The following GRM8 variants were observed in gnomAD, a reference collection of about 807,000 sequenced individuals.
GRM8 encodes glutamate metabotropic receptor 8, also known as metabotropic glutamate receptor 8.
GRM8 carries 47 observed loss-of-function variants against 87.2 expected under a neutral mutation model. That is an observed-to-expected ratio of 0.54 (90% confidence interval 0.43 to 0.69). The LOEUF is 0.69. GRM8 is among the 30% of genes least tolerant of loss of function. GRM8 has a pLI of 0.00. For synonymous variants in GRM8, 396 were observed against 404.5 expected, an observed-to-expected ratio of 0.98 and a Z score of 0.25; for missense variants, 1,019 against 1,139.2, an observed-to-expected ratio of 0.89 and a Z score of 1.52.
At chr7:126,725,111 A>T (rs1812815220) in intron 7 of GRM8, among the ~76,000 whole-genome samples, 2 of 152,226 alleles carry the variant, frequency 1.3e-5, no homozygotes, top group Non-Finnish European at 2.9e-5. Flanking sequence ...ATCAGCAGAC[A>T]GGTAGATTGT....
chr7:126,640,917 C>T (rs936497322), intron 7 of GRM8, among the ~76,000 whole-genome samples: 3 of 151,758 alleles, frequency 2.0e-5, no homozygotes, highest in Non-Finnish European at 2.9e-5. Context: ...ACATACTGCT[C>T]GGTAATATGT....
chr7:126,598,209 C>A lies in GRM8; in HGVS notation c.1494+11153G>T, dbSNP rs544003283. Among the ~76,000 whole-genome samples the A allele has an allele frequency of 4.4e-5, 4 of 90,766 alleles. No homozygotes were observed. In the East Asian group the frequency reaches 1.6e-3, roughly 37 times the overall value. The allele number at this position is 90,766 out of a possible 152,430, so 59.5% of individuals were successfully genotyped here. On this transcript the variant is annotated intron_variant, in intron 8 of 10. Coordinates refer to ENST00000339582, the MANE Select transcript of GRM8 (RefSeq NM_000845.3). ...TATTATTTAAATAACTAATTAAATT[C>A]TTGTGGTTTTTTCCTATTTTTTTTA...
chr7:126,668,980 T>C (rs986891142), intron 7 of GRM8, among the ~76,000 whole-genome samples: 1 of 152,200 alleles, frequency 6.6e-6, no homozygotes, highest in Non-Finnish European at 1.5e-5. Context: ...TGGAATACTA[T>C]GCAGCCATAA....
chr7:126,861,988 TG>T (rs1441769084), intron 6 of GRM8, among the ~76,000 whole-genome samples: 1 of 151,884 alleles, frequency 6.6e-6, no homozygotes, highest in African/African-American at 2.4e-5. Context: ...GTTTGGGTTT[TG>T]TTTGTTTGTT....
At chr7:127,099,069 G>C (rs890058765) in intron 3 of GRM8, among the ~76,000 whole-genome samples, 3 of 152,078 alleles carry the variant, frequency 2.0e-5, no homozygotes, top group African/African-American at 7.2e-5. Flanking sequence ...AATAATGTAA[G>C]ACAAAGAAGG....
intron 9 of GRM8, among the ~76,000 whole-genome samples, chr7:126,473,462 C>G (rs146161369): frequency 2.9e-3 from 434 of 152,244 alleles, no homozygotes; most frequent in Non-Finnish European, 5.3e-3. Context: ...GTGTATTTAC[C>G]CAATGCCGGT....
At chr7:126,536,760 AATTACT>A (rs1398700018) in intron 8 of GRM8, among the ~76,000 whole-genome samples, 2 of 152,144 alleles carry the variant, frequency 1.3e-5, no homozygotes, top group Non-Finnish European at 2.9e-5. Context: ...TTTAAAAGCT[AATTACT>A]ATAGAAACAA....
rs34256368 is a variant in GRM8, at chr7:127,158,804, C to CA, written c.511-52093dup. 5.7e-3 allele frequency among the ~76,000 whole-genome samples: 820 copies of CA among 144,282 alleles called. 13 individuals carry two copies. Among genetic ancestry groups the CA allele is most frequent in the African/African-American group, 0.016 (640 of 39,098 alleles). 94.7% of individuals were successfully genotyped at this position (144,282 alleles called of 152,430 possible). On this transcript the variant is annotated intron_variant, in intron 2 of 10. Coordinates refer to ENST00000339582, the MANE Select transcript of GRM8 (RefSeq NM_000845.3). The stretch of plus-strand genomic sequence containing the variant: ...ATTCAGACCATCACACCATCTATAC[C>CA]AAAAAAAAAAAAGGCTGAATATGCT...
chr7:126,793,231 TTAAG>T (rs1409277614), intron 6 of GRM8, among the ~76,000 whole-genome samples: 6 of 152,200 alleles, frequency 3.9e-5, no homozygotes, highest in Admixed American at 1.3e-4. Flanking sequence ...TTTAAAAAAA[TTAAG>T]TAATCATTGC....
chr7:127,036,008 T>C (rs1222078800), intron 3 of GRM8, among the ~76,000 whole-genome samples: 1 of 152,208 alleles, frequency 6.6e-6, no homozygotes, highest in African/African-American at 2.4e-5. Context: ...GCTTGCTCTA[T>C]ATTTATCAGT....
chr7:126,795,215 G>A (rs1354940454), intron 6 of GRM8, among the ~76,000 whole-genome samples: 1 of 151,950 alleles, frequency 6.6e-6, no homozygotes, highest in Admixed American at 6.6e-5. Context: ...ACTAAACCTA[G>A]GCTCTAAAGA....
chr7:127,113,441 G>A (rs1413873703), intron 2 of GRM8, among the ~76,000 whole-genome samples: 4 of 152,000 alleles, frequency 2.6e-5, no homozygotes, highest in African/African-American at 4.8e-5. Flanking sequence ...CCTGAATCAC[G>A]TATATTTTCA....
At chr7:126,862,974 C>G (rs1798264434) in intron 6 of GRM8, among the ~76,000 whole-genome samples, 1 of 152,160 alleles carries the variant, frequency 6.6e-6, no homozygotes, top group Non-Finnish European at 1.5e-5. Flanking sequence ...TGTGCTTCTT[C>G]TTGTATGCTT....
chr7:127,055,518 G>A (rs1819892790), intron 3 of GRM8, among the ~76,000 whole-genome samples: 1 of 152,040 alleles, frequency 6.6e-6, no homozygotes, highest in East Asian at 1.9e-4. Flanking sequence ...TGAATTTTGA[G>A]GTCTCTTGCA....
Position 126,685,992 on chromosome 7 carries a change from CCCAGACTCAG to C in GRM8, c.1358-76504_1358-76495del, listed in dbSNP as rs1439327331. ...CTCCCCTCTGAGGCCCATAAAAACC[CCCAGACTCAG>C]CCAGACTCAAGCAGAGGACAGACAG... is the stretch of plus-strand genomic sequence containing the variant. On this transcript the variant is annotated intron_variant, in intron 7 of 10. Coordinates refer to ENST00000339582, the MANE Select transcript of GRM8 (RefSeq NM_000845.3). The surrounding 1 kb of genome is among the most constrained non-coding windows in gnomAD (Gnocchi z 4.2). Among the ~76,000 whole-genome samples, 1 of 151,676 alleles carries C rather than the reference CCCAGACTCAG, an allele frequency of 6.6e-6. No homozygotes were observed. The highest frequency in any genetic ancestry group is 1.5e-5 in the Non-Finnish European group (1 of 67,950).
At chr7:126,575,590 A>T (rs963524260) in intron 8 of GRM8, among the ~76,000 whole-genome samples, 2 of 151,862 alleles carry the variant, frequency 1.3e-5, no homozygotes, top group Non-Finnish European at 2.9e-5. Flanking sequence ...CTGCTACTTG[A>T]CTCATGAGTT....
intron 3 of GRM8, among the ~76,000 whole-genome samples, chr7:126,954,279 C>T (rs1182351597): frequency 6.6e-6 from 1 of 152,150 alleles, no homozygotes; most frequent in African/African-American, 2.4e-5. Flanking sequence ...TCATAAATCT[C>T]ACTTTATTGC....
At chr7:127,121,167 G>A (rs139707380) in intron 2 of GRM8, among the ~76,000 whole-genome samples, 1 of 152,292 alleles carries the variant, frequency 6.6e-6, no homozygotes, top group Non-Finnish European at 1.5e-5. Context: ...TGCTTTAGGA[G>A]ACGGATGAAA....
chr7:126,763,462 T>G (rs1020984311), intron 7 of GRM8, among the ~76,000 whole-genome samples: 7 of 64,416 alleles, frequency 1.1e-4, no homozygotes, highest in African/African-American at 2.8e-4. Context: ...TATATATATA[T>G]ATATATATAT....
Sources: gnomAD v4.1 joint callset for allele counts (sites outside exome capture counted in the v4.1 genomes callset) on GRCh38, gnomAD v4.1.1 for gene constraint, Gnocchi (gnomAD v3.1) non-coding constraint, MANE v1.5 for transcripts, NCBI Gene and HGNC (gene_info 2026-07-23, HGNC 2026-07-21) for gene names.